Variants in B3GAT1 observed in about 807,000 individuals in gnomAD.
The protein encoded by B3GAT1 is beta-1,3-glucuronyltransferase 1.
In B3GAT1, 11 loss-of-function variants were observed where a neutral mutation model predicts 28.4. The ratio of observed to expected loss-of-function variants is 0.39; its 90% CI spans 0.24 to 0.64. The LOEUF (loss-of-function observed/expected upper bound fraction) is 0.64. Among genes scored for constraint, B3GAT1 ranks in the 30% least tolerant of loss-of-function variants. The pLI, the probability that B3GAT1 is intolerant of heterozygous loss-of-function variation, is 0.50. For synonymous variants in B3GAT1, 255 were observed against 223.1 expected, an observed-to-expected ratio of 1.14 and a Z score of -1.27; for missense variants, 375 against 491.0, an observed-to-expected ratio of 0.76 and a Z score of 2.23.
intron 2 of B3GAT1, chr11:134,386,287 C>T (rs1460144653): frequency 6.6e-6 from 1 of 152,252 alleles, no homozygotes; most frequent in Non-Finnish European, 1.5e-5. Context: ...GTTACAGGCA[C>T]TCACCACCTC....
In B3GAT1 at chr11:134,412,118, A is replaced by AGGGGGGAGGTGGAGCGGGGC. The variant is rs1292299792; in HGVS notation, c.-594_-593insGCCCCGCTCCACCTCCCCCC. Among the ~76,000 whole-genome samples, 1 of 57,510 alleles carries AGGGGGGAGGTGGAGCGGGGC rather than the reference A, an allele frequency of 1.7e-5. No individual in the cohort carries two copies. The highest frequency in any genetic ancestry group is 7.1e-4 in the South Asian group (1 of 1,408). 37.7% of individuals were successfully genotyped at this position (57,510 alleles called of 152,430 possible). On this transcript the variant is annotated 5_prime_UTR_variant, in exon 1 of 6. Coordinates refer to ENST00000312527, the MANE Select transcript of B3GAT1 (RefSeq NM_054025.3). Reference sequence around the variant, plus strand: ...CGGGGGGCGGGGAGGGGGAGCGGGGAGGGGGAGCGGGGAGCGGGCGCGGGG... The same window carrying AGGGGGGAGGTGGAGCGGGGC: ...CGGGGGGCGGGGAGGGGGAGCGGGGAGGGGGGAGGTGGAGCGGGGCGGGGGAGCGGGGAGCGGGCGCGGGG...
rs555403834 is a variant in B3GAT1, at chr11:134,404,471, C to T, written c.-282+7336G>A. ...TGTGTTTTTTAAATAACAATGAAAA[C>T]GAGTCTGTCATTCATCCAGAACATC... On this transcript the variant is annotated intron_variant, in intron 1 of 5. Coordinates refer to ENST00000312527, the MANE Select transcript of B3GAT1 (RefSeq NM_054025.3). Among the ~76,000 whole-genome samples the T allele has an allele frequency of 2.0e-4, 30 of 152,260 alleles. No individual in the cohort carries two copies. In the South Asian group the frequency reaches 5.2e-3, roughly 26 times the overall value.
intron 1 of B3GAT1, among the ~76,000 whole-genome samples, chr11:134,404,032 T>TATTA (rs1944681082): frequency 7.8e-6 from 1 of 127,916 alleles, no homozygotes; most frequent in Non-Finnish European, 1.6e-5. Flanking sequence ...TATATATATT[T>TATTA]ATTATACGTT....
chr11:134,397,699 C>A (rs1944531569), intron 1 of B3GAT1, among the ~76,000 whole-genome samples: 1 of 152,242 alleles, frequency 6.6e-6, no homozygotes. Flanking sequence ...AGTCAAGATG[C>A]CCAAGCGCAA....
At chr11:134,398,494 G>T (rs776573626) in intron 1 of B3GAT1, among the ~76,000 whole-genome samples, 6 of 150,758 alleles carry the variant, frequency 4.0e-5, no homozygotes, top group Non-Finnish European at 8.8e-5. Flanking sequence ...CTTCCAAAAG[G>T]ACTGCACGTT....
At chr11:134,407,405 C>T (rs1591653196) in intron 1 of B3GAT1, among the ~76,000 whole-genome samples, 1 of 152,262 alleles carries the variant, frequency 6.6e-6, no homozygotes, top group African/African-American at 2.4e-5. Context: ...TCCACTCCCC[C>T]ATCCCTCTAG....
At position 134,379,219 on chromosome 11, in the gene B3GAT1, C is replaced by T. The variant is rs1368196563; in HGVS notation, c.*1543G>A. 3.3e-5 allele frequency: 5 copies of T among 152,218 alleles called. No individual in the cohort carries two copies. Among genetic ancestry groups the T allele is most frequent in the African/African-American group, 1.2e-4 (5 of 41,438 alleles). 9.4% of individuals were successfully genotyped at this position (152,218 alleles called of 1,614,324 possible). ...ATATTCTGAATGTTAGGTCTCTGGA[C>T]TGAGTCCCACCCACCCACCCACTCA... On this transcript the variant is annotated 3_prime_UTR_variant, in exon 6 of 6. Transcript: ENST00000312527.
chr11:134,410,089 G>A (rs946532137), intron 1 of B3GAT1, among the ~76,000 whole-genome samples: 1 of 152,144 alleles, frequency 6.6e-6, no homozygotes, highest in African/African-American at 2.4e-5. Flanking sequence ...GGTCTCCCCA[G>A]AAGCCGAAGC....
At chr11:134,395,991 C>G (rs970934054) in intron 1 of B3GAT1, among the ~76,000 whole-genome samples, 1 of 152,190 alleles carries the variant, frequency 6.6e-6, no homozygotes, top group Non-Finnish European at 1.5e-5. Flanking sequence ...TGGCTGTTAG[C>G]TGGGACTGCC....
chr11:134,407,931 T>C (rs1426285037), intron 1 of B3GAT1, among the ~76,000 whole-genome samples: 1 of 152,088 alleles, frequency 6.6e-6, no homozygotes, highest in Non-Finnish European at 1.5e-5. Context: ...CCTTTCAGCA[T>C]GGATAAGAAG....
chr11:134,397,899 G>A (rs1944534962), intron 1 of B3GAT1, among the ~76,000 whole-genome samples: 1 of 152,150 alleles, frequency 6.6e-6, no homozygotes, highest in African/African-American at 2.4e-5. Flanking sequence ...GCAAGCATGG[G>A]TTTGGTCCCG....
chr11:134,402,545 C>A (rs903874441), intron 1 of B3GAT1, among the ~76,000 whole-genome samples: 1 of 152,164 alleles, frequency 6.6e-6, no homozygotes, highest in Non-Finnish European at 1.5e-5. Flanking sequence ...TTACACCTGC[C>A]CTGCCCCTAA....
chr11:134,412,185 C>G lies in B3GAT1; in HGVS notation c.-660G>C, dbSNP rs1325731260. Among the ~76,000 whole-genome samples, 34 of 144,660 alleles carry G rather than the reference C, an allele frequency of 2.4e-4. No individual in the cohort carries two copies. Among genetic ancestry groups the G allele is most frequent in the Non-Finnish European group, 4.9e-4 (32 of 65,172 alleles). The allele number at this position is 144,660 out of a possible 152,430, so 94.9% of individuals were successfully genotyped here. Reference sequence around the variant, plus strand: ...GGGCGCGCGGCCGGAGCCGAGCCGACCGGGCCGGCGCAGAGTCCCCGAGGT... The same window carrying G: ...GGGCGCGCGGCCGGAGCCGAGCCGAGCGGGCCGGCGCAGAGTCCCCGAGGT... On this transcript the variant is annotated 5_prime_UTR_variant, in exon 1 of 6. Coordinates refer to ENST00000312527, the MANE Select transcript of B3GAT1 (RefSeq NM_054025.3).
intron 1 of B3GAT1, among the ~76,000 whole-genome samples, chr11:134,409,532 C>A (rs1944809540): frequency 6.6e-6 from 1 of 152,222 alleles, no homozygotes; most frequent in African/African-American, 2.4e-5. Flanking sequence ...ATAGCCTGGC[C>A]TCCCTCTGCC....
chr11:134,382,509 C>T (rs1035410937), intron 4 of B3GAT1, among the ~76,000 whole-genome samples: 6 of 152,262 alleles, frequency 3.9e-5, no homozygotes, highest in Non-Finnish European at 1.5e-5. Flanking sequence ...GAGGTTATAA[C>T]TCCCCAGTGG....
intron 1 of B3GAT1, among the ~76,000 whole-genome samples, chr11:134,403,214 G>C (rs989359055): frequency 6.6e-6 from 1 of 152,102 alleles, no homozygotes; most frequent in African/African-American, 2.4e-5. Flanking sequence ...GGATCTCCAG[G>C]CTCTCCTGGG....
chr11:134,381,883 C>A (rs729687), intron 5 of B3GAT1, 41 bp downstream of exon 5: 588,845 of 1,509,480 alleles, frequency 0.39, 122,674 homozygotes, highest in East Asian at 0.69. Flanking sequence ...AACCTGGTGC[C>A]GCCCTGCCCA....
chr11:134,382,680 C>T (rs1187809981), intron 4 of B3GAT1, 30 bp downstream of exon 4: 1 of 1,596,770 alleles, frequency 6.3e-7, no homozygotes, highest in Non-Finnish European at 8.6e-7. Context: ...GACATTGCAT[C>T]ACAGCTGTCA....
In B3GAT1 at chr11:134,387,908, G is replaced by A; in HGVS notation, c.-249C>T. On this transcript the variant is annotated 5_prime_UTR_variant, in exon 2 of 6. Transcript: ENST00000312527. ...AGTCTGAGAAGGGGTCGCTGTCCAG[G>A]GGCAGGGGTCAGGAACCCTGGGGGG... The A allele has an allele frequency of 2.7e-6, 4 of 1,491,064 alleles. No homozygotes were observed. The highest frequency in any genetic ancestry group is 1.2e-5 in the South Asian group (1 of 82,744). The allele number at this position is 1,491,064 out of a possible 1,614,324, so 92.4% of individuals were successfully genotyped here. A position where few individuals can be genotyped will look rare whatever the true frequency, so the allele number is the denominator to read the frequency against.
Sources: gnomAD v4.1 joint callset for allele counts (sites outside exome capture counted in the v4.1 genomes callset) on GRCh38, gnomAD v4.1.1 for gene constraint, MANE v1.5 for transcripts, NCBI Gene and HGNC (gene_info 2026-07-23, HGNC 2026-07-21) for gene names.